The following SLC35F5 variants were observed in gnomAD, a reference collection of about 807,000 sequenced individuals.
SLC35F5 encodes the protein solute carrier family 35 member F5.
SLC35F5 carries 54 observed loss-of-function variants against 68.6 expected under a neutral mutation model. The ratio of observed to expected loss-of-function variants is 0.79; its 90% CI spans 0.63 to 0.99. The LOEUF is 0.99. SLC35F5 is among the 50% of genes least tolerant of loss of function. The probability of loss-of-function intolerance (pLI) is 0.00; values close to 1 mark genes in which losing one functional copy is unlikely to be tolerated. For synonymous variants in SLC35F5, 211 were observed against 205.2 expected (o/e 1.03, Z -0.24); for missense variants, 567 against 626.9 (o/e 0.90, Z 1.02).
At chr2:113,748,979 T>C (rs375945758) in intron 4 of SLC35F5, among the ~76,000 whole-genome samples, 111 of 152,232 alleles carry the variant, frequency 7.3e-4, no homozygotes, top group African/African-American at 2.5e-3. Flanking sequence ...AATTTTTGTA[T>C]TTTTAGTAGA....
At chr2:113,704,733 C>T (rs1488183307), downstream of SLC35F5, among the ~76,000 whole-genome samples, 2 of 152,100 alleles carry the variant, frequency 1.3e-5, no homozygotes, top group African/African-American at 4.8e-5. Context: ...CCACCCAGAA[C>T]TCGCGCTGGC....
At chr2:113,731,799 C>A in intron 9 of SLC35F5, 151 bp from the exon 10 acceptor site, 1 of 607,810 alleles carries the variant, frequency 1.6e-6, no homozygotes, top group Non-Finnish European at 2.9e-6. Context: ...CATCTAACAA[C>A]ATCAATATAA....
intron 1 of SLC35F5, 195 bp downstream of exon 1, chr2:113,756,175 G>A (rs764795482): frequency 6.8e-6 from 10 of 1,460,982 alleles, no homozygotes; most frequent in Non-Finnish European, 9.0e-6. Flanking sequence ...GCGCACGCAC[G>A]GCTTCCTCAA....
intron 11 of SLC35F5, among the ~76,000 whole-genome samples, chr2:113,726,305 T>C (rs1687662665): frequency 6.6e-6 from 1 of 152,154 alleles, no homozygotes; most frequent in Non-Finnish European, 1.5e-5. Flanking sequence ...ATCTGGCACA[T>C]GGTAAGCACT....
rs1165978349 is a variant in SLC35F5, at chr2:113,714,242, A to G, written c.*976T>C. Reference sequence around the variant, plus strand: ...TTGGTACTTTAACCATTACAAATTTATTCAGGAAAACTAAAATTATTTAAA... The same window carrying G: ...TTGGTACTTTAACCATTACAAATTTGTTCAGGAAAACTAAAATTATTTAAA... On this transcript the variant is annotated 3_prime_UTR_variant, in exon 16 of 16. Transcript: ENST00000245680. The G allele has an allele frequency of 6.6e-6, 1 of 152,164 alleles. No individual in the cohort carries two copies. The highest frequency in any genetic ancestry group is 2.4e-5 in the African/African-American group (1 of 41,458). The allele number at this position is 152,164 out of a possible 1,614,324, so 9.4% of individuals were successfully genotyped here.
downstream of SLC35F5, among the ~76,000 whole-genome samples, chr2:113,706,452 G>A (rs1433214842): frequency 2.6e-5 from 4 of 152,120 alleles, no homozygotes; most frequent in East Asian, 7.7e-4. Context: ...GCTTTCTGCT[G>A]TTGCTAATTT....
chr2:113,743,155 T>C lies in SLC35F5; in HGVS notation c.563-276A>G, dbSNP rs191979137. On this transcript the variant is annotated intron_variant, in intron 6 of 15. Transcript: ENST00000245680. Reference sequence around the variant, plus strand: ...CAATTGTGTACTGTATATACATAACTGCCTATTTCAGGATTTTAGTTTGAT... The same window carrying C: ...CAATTGTGTACTGTATATACATAACCGCCTATTTCAGGATTTTAGTTTGAT... Among the ~76,000 whole-genome samples the C allele has an allele frequency of 3.9e-5, 6 of 152,364 alleles. No homozygotes were observed. The East Asian group carries it at 1.2e-3, about 29-fold the overall frequency.
intron 5 of SLC35F5, among the ~76,000 whole-genome samples, chr2:113,745,586 C>T (rs1676453289): frequency 6.6e-6 from 1 of 152,048 alleles, no homozygotes; most frequent in South Asian, 2.1e-4. Context: ...AAGGTGATTG[C>T]TTAAGCCCAG....
At chr2:113,752,477 C>A (rs1676784171) in intron 3 of SLC35F5, among the ~76,000 whole-genome samples, 1 of 152,138 alleles carries the variant, frequency 6.6e-6, no homozygotes, top group South Asian at 2.1e-4. Context: ...AGGAAGTACT[C>A]AGTACCCCAA....
chr2:113,755,879 C>T (rs568573628), intron 1 of SLC35F5: 2 of 1,550,678 alleles, frequency 1.3e-6, no homozygotes, highest in South Asian at 1.2e-5. Context: ...GAATCCATCC[C>T]TGGGGACAGC....
At chr2:113,746,142 A>G (rs1326809329) in intron 5 of SLC35F5, 135 bp downstream of exon 5, 12 of 678,032 alleles carry the variant, frequency 1.8e-5, no homozygotes, top group Admixed American at 2.4e-5. Context: ...CCAAATTACA[A>G]TCCTAATGAT....
rs1451259388 is a variant in SLC35F5, at chr2:113,745,868, G to C, written c.480+409C>G. On this transcript the variant is annotated intron_variant, in intron 5 of 15. Transcript: ENST00000245680. ...ACACTAAAACAAAGCTGTATCTTCA[G>C]AGCCTAGAACGTGTTTAACACAGAT... is the stretch of plus-strand genomic sequence containing the variant. 2.0e-5 allele frequency among the ~76,000 whole-genome samples: 3 copies of C among 152,120 alleles called. No homozygotes were observed. The East Asian group carries it at 5.8e-4, about 29-fold the overall frequency.
chr2:113,742,567 CAG>C, intron 7 of SLC35F5, 123 bp downstream of exon 7: 6 of 904,326 alleles, frequency 6.6e-6, no homozygotes, highest in Non-Finnish European at 1.0e-5. Flanking sequence ...TATCAAATAG[CAG>C]AGTTTAAAGT....
At chr2:113,735,992 G>GA (rs1373111341) in intron 7 of SLC35F5, 134 bp from the exon 8 acceptor site, 6 of 545,288 alleles carry the variant, frequency 1.1e-5, no homozygotes, top group Non-Finnish European at 2.0e-5. Context: ...GCTTTGTATT[G>GA]AAAAAATCAC....
chr2:113,752,960 G>C (rs997227873), intron 3 of SLC35F5, among the ~76,000 whole-genome samples: 1 of 152,156 alleles, frequency 6.6e-6, no homozygotes. Context: ...TGTGACATAT[G>C]CTTTAAAATA....
At chr2:113,723,324 G>C in intron 12 of SLC35F5, 130 bp from the exon 13 acceptor site, 1 of 431,402 alleles carries the variant, frequency 2.3e-6, no homozygotes, top group East Asian at 3.7e-5. Flanking sequence ...AGGATGGATT[G>C]AAACATAAAA....
At chr2:113,756,329 T>C (rs1388842373) in intron 1 of SLC35F5, 41 bp downstream of exon 1, 2 of 1,557,798 alleles carry the variant, frequency 1.3e-6, no homozygotes, top group African/African-American at 1.4e-5. Context: ...CCGTCCCGGT[T>C]TGGGCTCCGG....
Position 113,710,202 on chromosome 2 carries a change from AACTTT to A in SLC35F5, c.*5011_*5015del, listed in dbSNP as rs1199910635. ...CTGCTCTCCAGCATGTGGTCTCTGA[AACTTT>A]ACTTAGGAGTATGCATATTAAAATA... On this transcript the variant is annotated 3_prime_UTR_variant, in exon 16 of 16. Coordinates refer to ENST00000245680, the MANE Select transcript of SLC35F5 (RefSeq NM_025181.5). Among the ~76,000 whole-genome samples the A allele has an allele frequency of 2.0e-5, 3 of 152,182 alleles. No individual in the cohort carries two copies. The highest frequency in any genetic ancestry group is 4.1e-4 in the South Asian group (2 of 4,834).
intron 4 of SLC35F5, among the ~76,000 whole-genome samples, chr2:113,749,071 G>A (rs986656510): frequency 1.3e-5 from 2 of 152,226 alleles, no homozygotes; most frequent in African/African-American, 4.8e-5. Context: ...CAAAGTGCTG[G>A]GATAAGAGGC....
Sources: gnomAD v4.1 joint callset for allele counts (sites outside exome capture counted in the v4.1 genomes callset) on GRCh38, gnomAD v4.1.1 for gene constraint, MANE v1.5 for transcripts, NCBI Gene and HGNC (gene_info 2026-07-23, HGNC 2026-07-21) for gene names.